The following FAM227B variants were observed in gnomAD, a reference collection of about 807,000 sequenced individuals.
FAM227B encodes protein FAM227B.
Under a neutral mutation model 73.8 loss-of-function variants are expected in FAM227B, and 88 were observed. That is an observed-to-expected ratio of 1.19 (90% confidence interval 1.00 to 1.42). FAM227B has a LOEUF of 1.42. FAM227B is among the 40% of genes most tolerant of loss of function. The pLI, the probability that FAM227B is intolerant of heterozygous loss-of-function variation, is 0.00. For missense variants in FAM227B, 632 were observed against 590.9 expected, an observed-to-expected ratio of 1.07 and a Z score of -0.72; for synonymous variants, 210 against 190.5, an observed-to-expected ratio of 1.10 and a Z score of -0.84.
At chr15:49,497,694 GA>G (rs61014653) in intron 11 of FAM227B, among the ~76,000 whole-genome samples, 49,416 of 152,082 alleles carry the variant, frequency 0.32, 8,766 homozygotes, top group African/African-American at 0.45. Flanking sequence ...GAAGATTATA[GA>G]AAAAATACCT....
At chr15:49,404,802 TC>T (rs889634858) in intron 11 of FAM227B, among the ~76,000 whole-genome samples, 7 of 151,294 alleles carry the variant, frequency 4.6e-5, no homozygotes, top group Admixed American at 6.6e-5. Context: ...GATCCTGTCA[TC>T]ATGATGTTAG....
At chr15:49,568,021 T>G (rs1333113362) in intron 9 of FAM227B, among the ~76,000 whole-genome samples, 3 of 152,010 alleles carry the variant, frequency 2.0e-5, no homozygotes, top group Non-Finnish European at 4.4e-5. Context: ...CAAACAAAGT[T>G]CCTGTAGTCA....
At chr15:49,368,629 T>C (rs368801206) in intron 12 of FAM227B, among the ~76,000 whole-genome samples, 6 of 152,314 alleles carry the variant, frequency 3.9e-5, no homozygotes, top group East Asian at 1.9e-4. Context: ...ATAATTCACA[T>C]TGGGTTACGT....
intron 10 of FAM227B, among the ~76,000 whole-genome samples, chr15:49,524,816 G>T (rs1358822352): frequency 1.3e-5 from 2 of 152,168 alleles, no homozygotes. Context: ...GATCATTTTG[G>T]AGCTTTGAGA....
intron 14 of FAM227B, among the ~76,000 whole-genome samples, chr15:49,332,694 C>G (rs144549177): frequency 6.6e-6 from 1 of 152,214 alleles, no homozygotes; most frequent in Non-Finnish European, 1.5e-5. Flanking sequence ...TATTTAAAAA[C>G]TATTTTTCCA....
chr15:49,529,496 T>C (rs1728972117), intron 10 of FAM227B, among the ~76,000 whole-genome samples: 1 of 151,644 alleles, frequency 6.6e-6, no homozygotes, highest in Non-Finnish European at 1.5e-5. Flanking sequence ...AAAATAAACA[T>C]ACACACAAAA....
intron 11 of FAM227B, chr15:49,488,271 G>A (rs1394315231): frequency 6.6e-6 from 1 of 151,942 alleles, no homozygotes; most frequent in African/African-American, 2.4e-5. Flanking sequence ...ATTGTTGTCA[G>A]CTACTCTTTA....
chr15:49,487,712 T>C (rs1190336048), intron 11 of FAM227B: 1 of 151,974 alleles, frequency 6.6e-6, no homozygotes. Context: ...AGTTAGAGAA[T>C]AATGCAAAGG....
intron 11 of FAM227B, among the ~76,000 whole-genome samples, chr15:49,493,888 A>ATATATATGTG (rs146161182): frequency 0.012 from 1,741 of 148,890 alleles, 45 homozygotes; most frequent in African/African-American, 0.041. Context: ...ATATATATAT[A>ATATATATGTG]TGTGTGTGTG....
intron 9 of FAM227B, among the ~76,000 whole-genome samples, chr15:49,545,633 A>T (rs1186272578): frequency 6.6e-6 from 1 of 152,098 alleles, no homozygotes; most frequent in Non-Finnish European, 1.5e-5. Context: ...ATTTAATGCT[A>T]TGAACTTTCC....
intron 9 of FAM227B, among the ~76,000 whole-genome samples, chr15:49,543,314 G>A (rs527607173): frequency 3.9e-5 from 6 of 152,182 alleles, no homozygotes; most frequent in Non-Finnish European, 5.9e-5. Flanking sequence ...CTTCTTTTGA[G>A]AACTGTCTAT....
intron 5 of FAM227B, among the ~76,000 whole-genome samples, chr15:49,580,071 C>T (rs1006445516): frequency 2.0e-5 from 3 of 151,990 alleles, no homozygotes; most frequent in African/African-American, 4.8e-5. Flanking sequence ...AACCTGAAAA[C>T]GAGACCACAA....
At chr15:49,394,183 A>G (rs554921829) in intron 11 of FAM227B, among the ~76,000 whole-genome samples, 2 of 152,276 alleles carry the variant, frequency 1.3e-5, no homozygotes, top group South Asian at 4.1e-4. Context: ...CCAGCTGTAA[A>G]ATGATACCAT....
chr15:49,358,482 T>C (rs895593901), intron 13 of FAM227B, among the ~76,000 whole-genome samples: 1 of 144,574 alleles, frequency 6.9e-6, no homozygotes, highest in Non-Finnish European at 1.5e-5. Context: ...GAACTCCCAT[T>C]CACAATTGCT....
rs556305059 is a variant in FAM227B, at chr15:49,427,222, T to G, written c.1013-55823A>C. On this transcript the variant is annotated intron_variant, in intron 11 of 15. Transcript: ENST00000299338. Reference sequence around the variant, plus strand: ...TAGGAAATCTAGGTTCAAAAAATGCTCAGAATTTGTTTAAAATAACAAGAA... The same window carrying G: ...TAGGAAATCTAGGTTCAAAAAATGCGCAGAATTTGTTTAAAATAACAAGAA... Among the ~76,000 whole-genome samples, 3 of 152,162 alleles carry G rather than the reference T, an allele frequency of 2.0e-5. No individual in the cohort carries two copies. In the East Asian group the frequency reaches 5.8e-4, roughly 29 times the overall value.
intron 11 of FAM227B, among the ~76,000 whole-genome samples, chr15:49,500,839 A>C (rs2058076914): frequency 6.6e-6 from 1 of 152,098 alleles, no homozygotes; most frequent in African/African-American, 2.4e-5. Context: ...CTTGGTGGTA[A>C]GTGAGCTCTT....
At chr15:49,380,522 T>C (rs1430136231) in intron 11 of FAM227B, among the ~76,000 whole-genome samples, 1 of 152,098 alleles carries the variant, frequency 6.6e-6, no homozygotes, top group African/African-American at 2.4e-5. Context: ...AGTAAACCCA[T>C]AAAAGAAGGT....
intron 11 of FAM227B, among the ~76,000 whole-genome samples, chr15:49,389,353 G>A (rs930485551): frequency 1.2e-4 from 18 of 151,952 alleles, no homozygotes; most frequent in African/African-American, 4.3e-4. Flanking sequence ...TGGAGCTGGA[G>A]GCCATTATTC....
chr15:49,558,797 C>T (rs956430903), intron 9 of FAM227B, among the ~76,000 whole-genome samples: 2 of 152,108 alleles, frequency 1.3e-5, no homozygotes, highest in African/African-American at 2.4e-5. Flanking sequence ...AAATTACCTA[C>T]GTACCCTACC....
Sources: allele counts gnomAD v4.1 joint callset (sites outside exome capture counted in the v4.1 genomes callset), GRCh38; gene constraint gnomAD v4.1.1; transcripts MANE v1.5; gene names NCBI Gene and HGNC (gene_info 2026-07-23, HGNC 2026-07-21).